The following SDK2 variants were observed in gnomAD, a reference collection of about 807,000 sequenced individuals.
SDK2 encodes the protein protein sidekick-2.
In SDK2, 105 loss-of-function variants were observed where a neutral mutation model predicts 253.9. The ratio of observed to expected loss-of-function variants is 0.41; its 90% CI spans 0.35 to 0.49. SDK2 has a LOEUF of 0.49. SDK2 is among the 20% of genes least tolerant of loss of function. SDK2 has a pLI of 0.06. For synonymous variants in SDK2, 1,249 were observed against 1,234.9 expected (o/e 1.01, Z -0.24); for missense variants, 2,608 against 3,003.0 (o/e 0.87, Z 3.07).
intron 43 of SDK2, 47 bp downstream of exon 43, chr17:73,350,190 T>TGGGCACTGATGGGCCTGGCCCCCCACCC: frequency 6.1e-6 from 1 of 163,684 alleles, no homozygotes; most frequent in African/African-American, 6.2e-5. Flanking sequence ...TCTCCCCACC[T>TGGGCACTGATGGGCCTGGCCCCCCACCC]GGGCACTGCT....
At chr17:73,627,127 G>A (rs1274274900) in intron 1 of SDK2, among the ~76,000 whole-genome samples, 2 of 152,202 alleles carry the variant, frequency 1.3e-5, no homozygotes, top group African/African-American at 4.8e-5. Context: ...CAAACTCATG[G>A]GGGTTGTTGA....
intron 1 of SDK2, among the ~76,000 whole-genome samples, chr17:73,579,495 C>T (rs1273285469): frequency 1.3e-5 from 2 of 152,286 alleles, no homozygotes; most frequent in East Asian, 1.9e-4. Context: ...ACTGAGCTCA[C>T]GTAGCGCTTC....
At chr17:73,374,750 G>A (rs1478732614) in intron 36 of SDK2, among the ~76,000 whole-genome samples, 1 of 152,146 alleles carries the variant, frequency 6.6e-6, no homozygotes, top group Admixed American at 6.6e-5. Context: ...TTACAGGTGT[G>A]AGCCACTGTG....
Position 73,447,377 on chromosome 17 carries a change from C to T in SDK2, c.613+238G>A, listed in dbSNP as rs373255868. On this transcript the variant is annotated intron_variant, in intron 5 of 44. Transcript: ENST00000392650. This position sits in a 1 kb window ranked among gnomAD's most constrained non-coding sequence, Gnocchi z 4.0. ...CAGTTGTGCTAAGCATCCTCTCTAC[C>T]GATGCAGGATCTCAGGCGTGTCATG... 2.6e-5 allele frequency among the ~76,000 whole-genome samples: 4 copies of T among 152,228 alleles called. No individual in the cohort carries two copies. The highest frequency in any genetic ancestry group is 1.9e-4 in the East Asian group (1 of 5,172).
chr17:73,592,501 C>T (rs1212986508), intron 1 of SDK2, among the ~76,000 whole-genome samples: 1 of 152,200 alleles, frequency 6.6e-6, no homozygotes, highest in Non-Finnish European at 1.5e-5. Context: ...ACGACTTCTT[C>T]CCCATGCCCC....
At chr17:73,591,987 C>T (rs993693265) in intron 1 of SDK2, among the ~76,000 whole-genome samples, 32 of 152,256 alleles carry the variant, frequency 2.1e-4, no homozygotes, top group African/African-American at 5.5e-4. Flanking sequence ...ACGTGGGGTA[C>T]GTGCTATGAA....
intron 1 of SDK2, among the ~76,000 whole-genome samples, chr17:73,585,280 G>A (rs2045589190): frequency 6.6e-6 from 1 of 152,256 alleles, no homozygotes; most frequent in Admixed American, 6.5e-5. Context: ...GCTTCTCGTA[G>A]TGGGTGGCAG....
intron 36 of SDK2, among the ~76,000 whole-genome samples, chr17:73,376,222 C>G (rs1022266343): frequency 3.3e-5 from 5 of 151,946 alleles, no homozygotes; most frequent in African/African-American, 1.2e-4. Context: ...CAAACCTCCT[C>G]ATGGACCTGG....
chr17:73,424,068 G>T lies in SDK2; in HGVS notation c.1608C>A (p.Ala536=). The part of the protein sequence containing the change: ...TIRYIWEKDG[A]TLGTESHPRI... ...GAGGATGGCTCTCCGTGCCCAGGGT[G>T]GCCCCGTCCTTCTCCCAGATGTACC... Residue 536 remains alanine (A), a synonymous_variant, in exon 13 of 45, where the codon GCC becomes GCA. Transcript: ENST00000392650. The T allele has an allele frequency of 6.2e-7, 1 of 1,612,714 alleles. No individual in the cohort carries two copies.
chr17:73,603,349 T>G (rs2045866720), intron 1 of SDK2, among the ~76,000 whole-genome samples: 1 of 152,220 alleles, frequency 6.6e-6, no homozygotes, highest in African/African-American at 2.4e-5. Context: ...GAGAGAGACT[T>G]CTGGGCCGGA....
At position 73,634,158 on chromosome 17, in the gene SDK2, C is replaced by T. The variant is rs74867984; in HGVS notation, c.64+9867G>A. 5.5e-3 allele frequency among the ~76,000 whole-genome samples: 845 copies of T among 152,296 alleles called. 31 individuals are homozygous for T. Among genetic ancestry groups the T allele is most frequent in the Admixed American group, 0.031 (473 of 15,308 alleles). On this transcript the variant is annotated intron_variant, in intron 1 of 44. Transcript: ENST00000392650. ...TGTCCTTAGAGAAAGAAGAGGCCAGCCCAGGGTGCCCCCTGTGTCCTCCTC... is the reference window on the plus strand; with the variant it reads ...TGTCCTTAGAGAAAGAAGAGGCCAGTCCAGGGTGCCCCCTGTGTCCTCCTC...
chr17:73,412,238 A>G (rs535344887), intron 18 of SDK2, among the ~76,000 whole-genome samples: 2 of 149,842 alleles, frequency 1.3e-5, no homozygotes, highest in African/African-American at 4.9e-5. Context: ...ACATATATAC[A>G]TATATCCTGG....
chr17:73,599,852 C>A (rs531072665), intron 1 of SDK2, among the ~76,000 whole-genome samples: 1 of 152,320 alleles, frequency 6.6e-6, no homozygotes, highest in African/African-American at 2.4e-5. Flanking sequence ...GGCCCAGGCT[C>A]CTCAGCTGTG....
At chr17:73,341,923 G>T (rs1329008107) in intron 44 of SDK2, among the ~76,000 whole-genome samples, 1 of 152,106 alleles carries the variant, frequency 6.6e-6, no homozygotes, top group Non-Finnish European at 1.5e-5. Flanking sequence ...CCTGGGTACT[G>T]ACGGGCACAT....
intron 37 of SDK2, among the ~76,000 whole-genome samples, chr17:73,367,106 C>A (rs944725564): frequency 1.3e-5 from 2 of 151,494 alleles, no homozygotes; most frequent in Non-Finnish European, 2.9e-5. Context: ...CAGGTTCAAG[C>A]GATTCTCCTG....
chr17:73,637,624 C>G (rs531577969), intron 1 of SDK2, among the ~76,000 whole-genome samples: 9 of 152,328 alleles, frequency 5.9e-5, no homozygotes, highest in African/African-American at 1.7e-4. Flanking sequence ...GCCTGCCTGC[C>G]TCGGCCTCCC....
intron 1 of SDK2, among the ~76,000 whole-genome samples, chr17:73,560,686 G>A (rs2045219768): frequency 1.3e-5 from 2 of 151,458 alleles, no homozygotes; most frequent in Admixed American, 1.3e-4. Context: ...AGAGATGTCA[G>A]GACAGCAGCT....
At chr17:73,637,671 G>A (rs936075248) in intron 1 of SDK2, among the ~76,000 whole-genome samples, 8 of 152,218 alleles carry the variant, frequency 5.3e-5, no homozygotes, top group African/African-American at 1.9e-4. Flanking sequence ...CACCGCGCCT[G>A]GAGGGGAATA....
At chr17:73,438,187 C>A in intron 6 of SDK2, 33 bp from the exon 7 acceptor site, 1 of 1,530,794 alleles carries the variant, frequency 6.5e-7, no homozygotes, top group South Asian at 1.2e-5. Context: ...AGTGTTCAGC[C>A]ATGAGGACTC....
Sources: allele counts gnomAD v4.1 joint callset (sites outside exome capture counted in the v4.1 genomes callset), GRCh38; gene constraint gnomAD v4.1.1; non-coding constraint Gnocchi (gnomAD v3.1); transcripts MANE v1.5; gene names NCBI Gene and HGNC (gene_info 2026-07-23, HGNC 2026-07-21).